PIBF1: variants seen among roughly 807,000 people sequenced by gnomAD.
The protein encoded by PIBF1 is progesterone-induced-blocking factor 1.
PIBF1 carries 90 observed loss-of-function variants against 112.5 expected under a neutral mutation model. The observed-to-expected ratio is 0.80, with a 90% confidence interval of 0.67 to 0.95. The LOEUF (loss-of-function observed/expected upper bound fraction) is 0.95. PIBF1 is among the 40% of genes least tolerant of loss of function. The pLI is 0.00. For missense variants in PIBF1, 915 were observed against 852.3 expected (o/e 1.07, Z -0.92); for synonymous variants, 301 against 288.6 (o/e 1.04, Z -0.44).
intron 10 of PIBF1, among the ~76,000 whole-genome samples, chr13:72,868,947 A>G (rs1014136159): frequency 6.6e-6 from 1 of 152,046 alleles, no homozygotes; most frequent in African/African-American, 2.4e-5. Flanking sequence ...AATGGCAATC[A>G]TTAAAAAGTC....
chr13:72,935,448 C>T (rs891670213), intron 14 of PIBF1, among the ~76,000 whole-genome samples: 1 of 152,102 alleles, frequency 6.6e-6, no homozygotes, highest in Non-Finnish European at 1.5e-5. Flanking sequence ...TATCCATTCA[C>T]TTGTTGATGG....
At chr13:73,015,437 A>G (rs916812117) in intron 17 of PIBF1, among the ~76,000 whole-genome samples, 1 of 152,242 alleles carries the variant, frequency 6.6e-6, no homozygotes, top group African/African-American at 2.4e-5. Context: ...GTACTCTGGT[A>G]AATACTTAGA....
chr13:72,882,943 A>G (rs1163483878), intron 10 of PIBF1, among the ~76,000 whole-genome samples: 2 of 152,174 alleles, frequency 1.3e-5, no homozygotes, highest in Non-Finnish European at 2.9e-5. Flanking sequence ...TGCTTGATCA[A>G]TGATTGCTGG....
intron 5 of PIBF1, among the ~76,000 whole-genome samples, chr13:72,811,590 C>T (rs1247625583): frequency 7.6e-5 from 6 of 78,452 alleles, no homozygotes; most frequent in African/African-American, 2.3e-4. Flanking sequence ...AACAAAACTC[C>T]GTCTCAAAAA....
At chr13:72,903,191 G>A (rs577139727) in intron 11 of PIBF1, among the ~76,000 whole-genome samples, 2 of 152,050 alleles carry the variant, frequency 1.3e-5, no homozygotes, top group Non-Finnish European at 2.9e-5. Flanking sequence ...GAGCCACCGC[G>A]CCCAGCCAAA....
chr13:72,982,530 C>G (rs2043181152), intron 16 of PIBF1, among the ~76,000 whole-genome samples: 1 of 152,174 alleles, frequency 6.6e-6, no homozygotes, highest in Admixed American at 6.6e-5. Context: ...CTACCTCATT[C>G]CTATAACTTT....
chr13:73,002,983 CAAAAAAAAAAAAA>C (rs1161228077), intron 17 of PIBF1, among the ~76,000 whole-genome samples: 2 of 57,522 alleles, frequency 3.5e-5, no homozygotes, highest in East Asian at 1.3e-3. Flanking sequence ...ACTCTGGTCT[CAAAAAAAAAAAAA>C]AAAAAAAAAA....
At chr13:72,944,939 G>C (rs1237801312) in intron 14 of PIBF1, among the ~76,000 whole-genome samples, 1 of 152,102 alleles carries the variant, frequency 6.6e-6, no homozygotes, top group East Asian at 1.9e-4. Context: ...GCTGATTTTT[G>C]TATTTCTCTG....
At chr13:72,992,179 TGAGA>T (rs972694252) in intron 16 of PIBF1, among the ~76,000 whole-genome samples, 13 of 152,084 alleles carry the variant, frequency 8.5e-5, no homozygotes, top group Non-Finnish European at 1.9e-4. Flanking sequence ...GACATAAGAG[TGAGA>T]CCCTGTCTCA....
At chr13:72,822,963 C>T (rs950132540) in intron 6 of PIBF1, among the ~76,000 whole-genome samples, 1 of 152,182 alleles carries the variant, frequency 6.6e-6, no homozygotes, top group Non-Finnish European at 1.5e-5. Context: ...GGCATAGTGG[C>T]ACATGCCTTT....
intron 5 of PIBF1, among the ~76,000 whole-genome samples, chr13:72,806,984 G>A (rs181503612): frequency 1.4e-4 from 20 of 147,966 alleles, no homozygotes; most frequent in South Asian, 6.4e-4. Flanking sequence ...ACTAATTTAC[G>A]CTTTTTTTTT....
intron 2 of PIBF1, among the ~76,000 whole-genome samples, chr13:72,790,021 C>G (rs1593885497): frequency 6.6e-6 from 1 of 152,118 alleles, no homozygotes; most frequent in Non-Finnish European, 1.5e-5. Flanking sequence ...ACAGAGGTCC[C>G]CCTTCTTATG....
At chr13:72,824,485 AAG>A (rs1256027638) in intron 6 of PIBF1, among the ~76,000 whole-genome samples, 2 of 152,192 alleles carry the variant, frequency 1.3e-5, no homozygotes, top group Non-Finnish European at 2.9e-5. Context: ...TAAATACAGA[AAG>A]AGGATCTTAA....
intron 17 of PIBF1, among the ~76,000 whole-genome samples, chr13:73,003,030 G>A (rs1380594600): frequency 1.4e-5 from 2 of 143,342 alleles, no homozygotes; most frequent in African/African-American, 2.6e-5. Context: ...AAGTATGGTA[G>A]CAAACAATAC....
intron 15 of PIBF1, chr13:72,969,603 A>C (rs1023004903): frequency 6.6e-6 from 1 of 152,250 alleles, no homozygotes; most frequent in African/African-American, 2.4e-5. Context: ...TTAAAAAGTC[A>C]GCTCAGCCAG....
Position 72,933,052 on chromosome 13 carries a change from C to T in PIBF1, c.1833+1785C>T, listed in dbSNP as rs1297856005. 3.3e-5 allele frequency among the ~76,000 whole-genome samples: 5 copies of T among 150,930 alleles called. No individual in the cohort carries two copies. In the South Asian group the frequency reaches 6.3e-4, roughly 19 times the overall value. On this transcript the variant is annotated intron_variant, in intron 14 of 17. Transcript: ENST00000326291. Reference sequence around the variant, plus strand: ...AATAGAGAACTCCTACAAGCTGCTGCAAGCCAAGTCCAGCACACTGCTAGG... The same window carrying T: ...AATAGAGAACTCCTACAAGCTGCTGTAAGCCAAGTCCAGCACACTGCTAGG...
At chr13:72,869,650 AAAAT>A (rs1367265984) in intron 10 of PIBF1, among the ~76,000 whole-genome samples, 4 of 151,874 alleles carry the variant, frequency 2.6e-5, no homozygotes, top group East Asian at 1.9e-4. Context: ...AAAAAAATAA[AAAAT>A]AAAGCATTCC....
chr13:72,827,475 C>T (rs2075715978), intron 7 of PIBF1, among the ~76,000 whole-genome samples: 1 of 151,990 alleles, frequency 6.6e-6, no homozygotes. Flanking sequence ...TCGCAAACTC[C>T]TGACCTCAAA....
At chr13:72,855,351 T>C (rs1594059562) in intron 10 of PIBF1, among the ~76,000 whole-genome samples, 2 of 152,318 alleles carry the variant, frequency 1.3e-5, no homozygotes, top group African/African-American at 4.8e-5. Context: ...AAGAAGTCAT[T>C]CCTATAATGT....
Sources: gnomAD v4.1 joint callset for allele counts (sites outside exome capture counted in the v4.1 genomes callset) on GRCh38, gnomAD v4.1.1 for gene constraint, MANE v1.5 for transcripts, NCBI Gene and HGNC (gene_info 2026-07-23, HGNC 2026-07-21) for gene names.